The following ZNF518A variants were observed in gnomAD, a reference collection of about 807,000 sequenced individuals.
ZNF518A encodes zinc finger protein 518A.
ZNF518A carries 47 observed loss-of-function variants against 102.7 expected under a neutral mutation model. The observed-to-expected ratio is 0.46, with a 90% CI of 0.36 to 0.58. ZNF518A has a LOEUF of 0.58. Among genes scored for constraint, ZNF518A ranks in the 20% least tolerant of loss-of-function variants. The pLI, the probability that ZNF518A is intolerant of heterozygous loss-of-function variation, is 0.00. For missense variants in ZNF518A, 1,793 were observed against 1,699.8 expected (o/e 1.05, Z -0.96); for synonymous variants, 652 against 594.6 (o/e 1.10, Z -1.40).
chr10:96,203,144 G>C (rs1352406605), intron 1 of ZNF518A, among the ~76,000 whole-genome samples: 1 of 152,140 alleles, frequency 6.6e-6, no homozygotes, highest in Non-Finnish European at 1.5e-5. Flanking sequence ...CCTGTGCCTA[G>C]AACAATGCCT....
chr10:96,199,030 G>A (rs938024894), intron 1 of ZNF518A, among the ~76,000 whole-genome samples: 2 of 152,182 alleles, frequency 1.3e-5, no homozygotes, highest in African/African-American at 4.8e-5. Flanking sequence ...AAGGAACTCA[G>A]GGAATAATGT....
At chr10:96,201,478 T>C (rs1396532007) in intron 1 of ZNF518A, among the ~76,000 whole-genome samples, 1 of 152,234 alleles carries the variant, frequency 6.6e-6, no homozygotes, top group Non-Finnish European at 1.5e-5. Flanking sequence ...AAAAATATTA[T>C]TTATGTTAAC....
In ZNF518A at chr10:96,159,798, A is replaced by G. The variant is rs369284741; in HGVS notation, c.3476A>G (p.Asn1159Ser). 1.7e-5 allele frequency: 27 copies of G among 1,613,688 alleles called. No homozygotes were observed. The African/African-American group carries it at 3.3e-4, about 20-fold the overall frequency. ...GTTTTAAATGTGACTGCTGCTAATAATCTGTCAGTAAGCAACTCTGCATCC... is the reference window on the plus strand; with the variant it reads ...GTTTTAAATGTGACTGCTGCTAATAGTCTGTCAGTAAGCAACTCTGCATCC... ...NPVLNVTAAN[N>S]LSVSNSASSL... Residue 1159 changes from asparagine to serine, a missense_variant, in exon 6 of 6, where the codon AAT (asparagine) becomes AGT (serine). Asn to Ser is a conservative substitution (Grantham distance 46, BLOSUM62 1). Transcript: ENST00000316045.
intron 3 of ZNF518A, among the ~76,000 whole-genome samples, chr10:96,149,963 A>G (rs2082350275): frequency 6.6e-6 from 1 of 152,124 alleles, no homozygotes; most frequent in Non-Finnish European, 1.5e-5. Flanking sequence ...GGGTTACCTC[A>G]GAACTCTATA....
In ZNF518A at chr10:96,156,558, A is replaced by C; in HGVS notation, c.236A>C (p.Gln79Pro). 1 of 1,613,244 alleles carries C rather than the reference A, an allele frequency of 6.2e-7. No individual in the cohort carries two copies. Among genetic ancestry groups the C allele is most frequent in the South Asian group, 1.1e-5 (1 of 90,836 alleles). The change falls in exon 6 of 6, where the codon CAG becomes CCG. Residue 79 changes from glutamine to proline, a missense_variant. Physicochemically the swap from Gln to Pro is moderately conservative, Grantham distance 76. Transcript: ENST00000316045. ...KYRKLFQSKQ[Q>P]TARKSISIKT... ...AGAAAATTATTTCAGAGTAAACAGC[A>C]GACTGCAAGAAAATCTATCAGTATA...
intron 3 of ZNF518A, among the ~76,000 whole-genome samples, chr10:96,140,237 T>A (rs2081849143): frequency 6.6e-6 from 1 of 152,164 alleles, no homozygotes; most frequent in Non-Finnish European, 1.5e-5. Context: ...GAATCAAGGA[T>A]GAGTCTTGAT....
Position 96,189,404 on chromosome 10 carries a change from G to C in ZNF518A, n.36-14170G>C, listed in dbSNP as rs782087236. 1.9e-5 allele frequency: 11 copies of C among 593,438 alleles called. No homozygotes were observed. In the East Asian group the frequency reaches 4.0e-4, roughly 22 times the overall value. 36.8% of individuals were successfully genotyped at this position (593,438 alleles called of 1,614,324 possible). A position where few individuals can be genotyped will look rare whatever the true frequency, so the allele number is the denominator to read the frequency against. On this transcript the variant is annotated intron_variant and non_coding_transcript_variant, in intron 1 of 2. Coordinates refer to the ZNF518A transcript ENST00000442635. ...TGCCAGGATCTTGAATAGTCTCCTG[G>C]TCAGTTGTCCGGAAGCAATTCTTCA...
chr10:96,200,761 T>G lies in ZNF518A; in HGVS notation n.36-2813T>G, dbSNP rs782716828. Among the ~76,000 whole-genome samples, 1 of 152,342 alleles carries G rather than the reference T, an allele frequency of 6.6e-6. No homozygotes were observed. The highest frequency in any genetic ancestry group is 6.5e-5 in the Admixed American group (1 of 15,298). On this transcript the variant is annotated intron_variant and non_coding_transcript_variant, in intron 1 of 2. Coordinates refer to the ZNF518A transcript ENST00000442635. This position sits in a 1 kb window ranked among gnomAD's most constrained non-coding sequence, Gnocchi z 4.3. Reference sequence around the variant, plus strand: ...GGAAGAATAATGAAAACACATTTCCTTGCTAGTTTTGAGGAAACATTAACT... The same window carrying G: ...GGAAGAATAATGAAAACACATTTCCGTGCTAGTTTTGAGGAAACATTAACT...
At chr10:96,199,848 A>G (rs1554895647) in intron 1 of ZNF518A, 2 of 253,884 alleles carry the variant, frequency 7.9e-6, no homozygotes, top group African/African-American at 4.6e-5. Context: ...ACATGGTAAA[A>G]CCCCGTCTCT....
At chr10:96,143,548 C>A (rs1479862684) in intron 3 of ZNF518A, among the ~76,000 whole-genome samples, 1 of 152,190 alleles carries the variant, frequency 6.6e-6, no homozygotes, top group African/African-American at 2.4e-5. Context: ...GAAGTAAACA[C>A]AGTCATCGTT....
rs1554883390 is a variant in ZNF518A at position 96,157,358 on chromosome 10, C to G, written c.1036C>G (p.Gln346Glu). 1 of 1,610,542 alleles carries G rather than the reference C, an allele frequency of 6.2e-7. No homozygotes were observed. The highest frequency in any genetic ancestry group is 1.7e-5 in the Admixed American group (1 of 59,322). Reference protein sequence around the residue: ...GSDRSIEKNTQVLKKMNKTQT... With the variant: ...GSDRSIEKNTEVLKKMNKTQT... ...TGACAGAAGTATAGAAAAGAACACT[C>G]AAGTGCTTAAGAAAATGAACAAAAC... The change falls in exon 6 of 6, where the codon CAA becomes GAA. Residue 346 changes from glutamine (Q) to glutamate (E), a missense_variant. By Grantham distance (29) the Gln-to-Glu change is conservative. This residue lies in a region of ZNF518A where 1,741 missense variants were observed against 1,622.6 expected (regional missense o/e 1.07). Coordinates refer to ENST00000316045, the MANE Select transcript of ZNF518A (RefSeq NM_001330736.2).
rs74151283 is a variant in ZNF518A at position 96,197,074 on chromosome 10, T to A, written n.36-6500T>A. 48,402 of 1,605,548 alleles carry A rather than the reference T, an allele frequency of 0.03. 1,082 individuals are homozygous for A. Among genetic ancestry groups the A allele is most frequent in the African/African-American group, 0.11 (8,327 of 74,504 alleles). ...AAGAAATGATCCATCCTGTTTAATT[T>A]TTTTTAAAAAACATAATTATGGTTA... On this transcript the variant is annotated intron_variant and non_coding_transcript_variant, in intron 1 of 2. Coordinates refer to the ZNF518A transcript ENST00000442635.
chr10:96,157,940 AT>A lies in ZNF518A; in HGVS notation c.1619del (p.Met540SerfsTer25). Reference sequence around the variant, plus strand: ...GACTTTGATATCTCAAAGGAATAATATGCTTCAAACAATGGATTATGAGAAA... The same window carrying A: ...GACTTTGATATCTCAAAGGAATAATAGCTTCAAACAATGGATTATGAGAAA... Reference protein sequence around the residue: ...EMTLISQRNNMLQTMDYEKSV... With the variant: ...EMTLISQRNNXLQTMDYEKSV... On this transcript the variant is annotated frameshift_variant, in exon 6 of 6. Coordinates refer to ENST00000316045, the MANE Select transcript of ZNF518A (RefSeq NM_001330736.2). LOFTEE classifies it high-confidence loss of function. The A allele has an allele frequency of 6.2e-7, 1 of 1,613,868 alleles. No individual in the cohort carries two copies.
chr10:96,197,015 G>T (rs1182608796), intron 1 of ZNF518A: 1 of 1,612,918 alleles, frequency 6.2e-7, no homozygotes, highest in African/African-American at 1.3e-5. Context: ...AGTGTATATG[G>T]TTGTTTGGAA....
chr10:96,140,955 TG>T (rs782064403), intron 3 of ZNF518A, among the ~76,000 whole-genome samples: 1 of 151,724 alleles, frequency 6.6e-6, no homozygotes, highest in African/African-American at 2.4e-5. Context: ...AAAAAAAAGA[TG>T]GGGGGTTGTG....
Position 96,157,438 on chromosome 10 carries a change from A to C in ZNF518A, c.1116A>C (p.Glu372Asp), listed in dbSNP as rs1554883450. Residue 372 changes from glutamate (E) to aspartate (D), a missense_variant, in exon 6 of 6, where the codon GAA (glutamate) becomes GAC (aspartate). By Grantham distance (45) the Glu-to-Asp change is conservative (BLOSUM62 2). Transcript: ENST00000316045. ...TTGTTCAAGAGCATTTAAGTGAAGA[A>C]AAGGATGAAAGACTACACTGTGAGA... ...SHVVQEHLSE[E>D]KDERLHCENN... The C allele has an allele frequency of 6.2e-7, 1 of 1,613,596 alleles. No homozygotes were observed. Among genetic ancestry groups the C allele is most frequent in the Non-Finnish European group, 8.5e-7 (1 of 1,179,694 alleles).
At chr10:96,198,234 A>G (rs2083525919) in intron 1 of ZNF518A, among the ~76,000 whole-genome samples, 1 of 152,158 alleles carries the variant, frequency 6.6e-6, no homozygotes, top group South Asian at 2.1e-4. Context: ...GATTTAATAA[A>G]ATAAGTACCA....
intron 1 of ZNF518A, among the ~76,000 whole-genome samples, chr10:96,201,461 T>C (rs2083632447): frequency 6.6e-6 from 1 of 152,210 alleles, no homozygotes; most frequent in South Asian, 2.1e-4. Flanking sequence ...ATATAGTTAT[T>C]TTTCATAAAA....
At chr10:96,176,467 A>C (rs1231982378) in intron 1 of ZNF518A, among the ~76,000 whole-genome samples, 1 of 152,258 alleles carries the variant, frequency 6.6e-6, no homozygotes, top group Non-Finnish European at 1.5e-5. Flanking sequence ...GAAGAAAACC[A>C]TCCCAAACAC....
Sources: allele counts gnomAD v4.1 joint callset (sites outside exome capture counted in the v4.1 genomes callset), GRCh38; gene constraint gnomAD v4.1.1; regional missense constraint gnomAD v4.1.1; non-coding constraint Gnocchi (gnomAD v3.1); transcripts MANE v1.5; gene names NCBI Gene and HGNC (gene_info 2026-07-23, HGNC 2026-07-21).